Variants in CAPN9 observed in about 807,000 individuals in gnomAD.
CAPN9 encodes the protein calpain-9.
CAPN9 carries 81 observed loss-of-function variants against 92.8 expected under a neutral mutation model. That is an observed-to-expected ratio of 0.87 (90% confidence interval 0.73 to 1.05). The LOEUF (loss-of-function observed/expected upper bound fraction) is 1.05, where lower values mean the gene tolerates loss of function less well. CAPN9 is among the 50% of genes least tolerant of loss of function. The pLI, the probability that CAPN9 is intolerant of heterozygous loss-of-function variation, is 0.00. For synonymous variants in CAPN9, 304 were observed against 328.0 expected (o/e 0.93, Z 0.79); for missense variants, 848 against 866.2 (o/e 0.98, Z 0.26).
At chr1:230,795,953 C>T (rs1473295009) in intron 18 of CAPN9, among the ~76,000 whole-genome samples, 1 of 151,812 alleles carries the variant, frequency 6.6e-6, no homozygotes, top group Admixed American at 6.6e-5. Context: ...GCAGGGGGCC[C>T]CGCATTTCCA....
At chr1:230,787,706 G>A in intron 13 of CAPN9, 104 bp downstream of exon 13, 2 of 901,210 alleles carry the variant, frequency 2.2e-6, no homozygotes, top group Non-Finnish European at 3.7e-6. Flanking sequence ...TCATCCTGAG[G>A]CATGATGGAG....
chr1:230,791,830 G>C (rs773225672), intron 14 of CAPN9, 34 bp from the exon 15 acceptor site: 5 of 1,571,398 alleles, frequency 3.2e-6, no homozygotes, highest in Admixed American at 3.3e-5. Flanking sequence ...ATCTTATCGG[G>C]TCAACTGAAT....
At chr1:230,797,601 G>A (rs570366431) in intron 18 of CAPN9, among the ~76,000 whole-genome samples, 6 of 152,284 alleles carry the variant, frequency 3.9e-5, no homozygotes, top group African/African-American at 1.2e-4. Flanking sequence ...AGCCAGGGCT[G>A]ATTGGCTCGA....
At chr1:230,759,300 G>T (rs191309771) in intron 2 of CAPN9, among the ~76,000 whole-genome samples, 2 of 152,326 alleles carry the variant, frequency 1.3e-5, no homozygotes, top group Admixed American at 1.3e-4. Flanking sequence ...TGCCAAGAAG[G>T]CAACAGCTGT....
At position 230,767,801 on chromosome 1, in the gene CAPN9, G is replaced by A. The variant is rs1242683163; in HGVS notation, c.705+92G>A. 25 of 1,229,042 alleles carry A rather than the reference G, an allele frequency of 2.0e-5. No homozygotes were observed. In the East Asian group the frequency reaches 3.3e-4, roughly 16 times the overall value. 76.1% of individuals were successfully genotyped at this position (1,229,042 alleles called of 1,614,324 possible). A position where few individuals can be genotyped will look rare whatever the true frequency, so the allele number is the denominator to read the frequency against. On this transcript the variant is annotated intron_variant, in intron 5 of 19. Transcript: ENST00000271971. ...TGCTGGGGCTGTACCAGGTACCCCA[G>A]CCACACCCAAGGAGGGGCATAACTC... is the stretch of plus-strand genomic sequence containing the variant.
chr1:230,801,238 G>A (rs1467006433), intron 19 of CAPN9, among the ~76,000 whole-genome samples: 3 of 152,014 alleles, frequency 2.0e-5, no homozygotes, highest in Admixed American at 1.3e-4. Flanking sequence ...CATCAACAAG[G>A]AAAAGTCACT....
intron 11 of CAPN9, among the ~76,000 whole-genome samples, chr1:230,781,433 T>C (rs1014391815): frequency 2.6e-5 from 4 of 152,242 alleles, no homozygotes; most frequent in Non-Finnish European, 5.9e-5. Context: ...AATGACATGT[T>C]CTTTCAGCTC....
At chr1:230,771,920 G>T in intron 6 of CAPN9, 94 bp from the exon 7 acceptor site, 1 of 997,792 alleles carries the variant, frequency 1.0e-6, no homozygotes, top group Admixed American at 1.7e-5. Flanking sequence ...ACCAGTTCTG[G>T]ATGGAGCTGG....
chr1:230,792,256 C>T (rs1487518078), intron 15 of CAPN9, among the ~76,000 whole-genome samples, 170 bp from the exon 16 acceptor site: 3 of 152,118 alleles, frequency 2.0e-5, no homozygotes, highest in Non-Finnish European at 4.4e-5. Context: ...TGCCGTTTCC[C>T]CTCTTCAGAG....
Position 230,780,707 on chromosome 1 carries a change from C to G in CAPN9, c.1480C>G (p.Arg494Gly), listed in dbSNP as rs371953997. The G allele has an allele frequency of 2.5e-6, 4 of 1,613,432 alleles. No homozygotes were observed. Among genetic ancestry groups the G allele is most frequent in the Admixed American group, 1.7e-5 (1 of 59,998 alleles). ...RIFSEKKAIT[R>G]DMDGNVDIDL... ...CTTTTCAGAGAAAAAAGCCATTACC[C>G]GGTGAGTCAGAGGAACAGCTTCCAG... The change falls in exon 11 of 20, where the codon CGG (arginine) becomes GGG (glycine). Residue 494 changes from arginine (R) to glycine (G), a missense_variant and splice_region_variant. Coordinates refer to ENST00000271971, the MANE Select transcript of CAPN9 (RefSeq NM_006615.3).
At chr1:230,769,661 CTATCT>C (rs772573872) in intron 6 of CAPN9, among the ~76,000 whole-genome samples, 4,642 of 124,094 alleles carry the variant, frequency 0.037, 81 homozygotes, top group Non-Finnish European at 0.052. Flanking sequence ...ATCTATCTAT[CTATCT>C]ATCTATCTAT....
chr1:230,780,302 C>A lies in CAPN9; in HGVS notation c.1238C>A (p.Ala413Asp). Residue 413 changes from alanine to aspartate, a missense_variant, in exon 10 of 20, where the codon GCC becomes GAC. By Grantham distance (126) the Ala-to-Asp change is moderately radical (BLOSUM62 -2). Transcript: ENST00000271971. ...AGAAGGAAACTCAAGAGATTTGGTG[C>A]CAATGTGCTGACAATCGGCTATGCC... is the stretch of plus-strand genomic sequence containing the variant. ...KDRRKLKRFG[A>D]NVLTIGYAIY... 1 of 1,614,090 alleles carries A rather than the reference C, an allele frequency of 6.2e-7. No individual in the cohort carries two copies.
intron 5 of CAPN9, 69 bp from the exon 6 acceptor site, chr1:230,769,111 C>T: frequency 7.9e-7 from 1 of 1,266,960 alleles, no homozygotes; most frequent in Non-Finnish European, 1.1e-6. Context: ...AGGCATGTAG[C>T]TGGGTCTGAT....
At chr1:230,773,672 A>C (rs1666539196) in intron 7 of CAPN9, among the ~76,000 whole-genome samples, 1 of 152,172 alleles carries the variant, frequency 6.6e-6, no homozygotes, top group Non-Finnish European at 1.5e-5. Flanking sequence ...GGTGTGAGCC[A>C]CTTAGGATAA....
chr1:230,789,252 A>G (rs1667813501), intron 13 of CAPN9, among the ~76,000 whole-genome samples: 1 of 152,092 alleles, frequency 6.6e-6, no homozygotes, highest in African/African-American at 2.4e-5. Flanking sequence ...TGGGAAAAAA[A>G]ACACAGATTC....
intron 1 of CAPN9, among the ~76,000 whole-genome samples, chr1:230,754,382 TG>T (rs1455804573): frequency 2.1e-5 from 3 of 142,808 alleles, no homozygotes; most frequent in African/African-American, 8.2e-5. Context: ...ATACACATAG[TG>T]TATGTGCTTA....
Position 230,780,565 on chromosome 1 carries a change from C to G in CAPN9, c.1338C>G (p.Ser446Arg), listed in dbSNP as rs771973044. Residue 446 changes from serine to arginine, a missense_variant, in exon 11 of 20, where the codon AGC becomes AGG. Physicochemically the swap from Ser to Arg is moderately radical, Grantham distance 110. Transcript: ENST00000271971. ...FFRYHASRAR[S>R]KTFINLREVS... ...GATACCACGCTTCTCGGGCCAGAAG[C>G]AAGACGTTCATCAACCTGAGAGAAG... is the stretch of plus-strand genomic sequence containing the variant. 1.2e-6 allele frequency: 2 copies of G among 1,614,208 alleles called. No individual in the cohort carries two copies. The highest frequency in any genetic ancestry group is 1.7e-5 in the Admixed American group (1 of 60,032).
chr1:230,755,675 G>A (rs1665178384), intron 2 of CAPN9, among the ~76,000 whole-genome samples: 1 of 152,178 alleles, frequency 6.6e-6, no homozygotes, highest in Non-Finnish European at 1.5e-5. Flanking sequence ...CGTTGGTCGG[G>A]CTCTCCTACA....
intron 1 of CAPN9, among the ~76,000 whole-genome samples, chr1:230,751,064 T>A (rs914763122): frequency 6.6e-6 from 1 of 152,140 alleles, no homozygotes; most frequent in Non-Finnish European, 1.5e-5. Flanking sequence ...GGCCAGGCAA[T>A]TCCCCCCCAC....
Sources: allele counts gnomAD v4.1 joint callset (sites outside exome capture counted in the v4.1 genomes callset), GRCh38; gene constraint gnomAD v4.1.1; transcripts MANE v1.5; gene names NCBI Gene and HGNC (gene_info 2026-07-23, HGNC 2026-07-21).